Variants in DOK6 observed in about 807,000 individuals in gnomAD.
DOK6 encodes the protein downstream of tyrosine kinase 6.
In DOK6, 22 loss-of-function variants were observed where a neutral mutation model predicts 44.0. The ratio of observed to expected loss-of-function variants is 0.50; its 90% CI spans 0.36 to 0.71. DOK6 has a LOEUF of 0.71. Among genes scored for constraint, DOK6 ranks in the 30% least tolerant of loss-of-function variants. The probability of loss-of-function intolerance (pLI) is 0.00; values close to 1 mark genes in which losing one functional copy is unlikely to be tolerated. For synonymous variants in DOK6, 166 were observed against 145.5 expected, an observed-to-expected ratio of 1.14 and a Z score of -1.01; for missense variants, 340 against 416.4, an observed-to-expected ratio of 0.82 and a Z score of 1.60.
chr18:69,676,367 G>A (rs563050399), intron 3 of DOK6, among the ~76,000 whole-genome samples: 12 of 152,226 alleles, frequency 7.9e-5, no homozygotes, highest in Admixed American at 7.2e-4. Flanking sequence ...TATTTTTGCT[G>A]CAGCATGACT....
intron 3 of DOK6, among the ~76,000 whole-genome samples, chr18:69,613,139 G>A (rs1433312980): frequency 1.3e-5 from 2 of 152,146 alleles, no homozygotes; most frequent in African/African-American, 4.8e-5. Context: ...TCAAAGTGCT[G>A]GGATTACAGG....
At chr18:69,837,126 T>C (rs1982076106) in intron 7 of DOK6, among the ~76,000 whole-genome samples, 1 of 152,220 alleles carries the variant, frequency 6.6e-6, no homozygotes, top group Non-Finnish European at 1.5e-5. Context: ...AAGTATGTCA[T>C]AGTGAATGTC....
In DOK6 at chr18:69,595,565, A is replaced by T. The variant is rs192555949; in HGVS notation, c.175-3819A>T. ...CATAAACTTTTTGTGAAGCATCAAT[A>T]ATTTCATCGTTCTTCCACCCAAGCT... On this transcript the variant is annotated intron_variant, in intron 2 of 7. Transcript: ENST00000382713. Among the ~76,000 whole-genome samples the T allele has an allele frequency of 1.2e-4, 18 of 152,226 alleles. 1 individual carries two copies. In the East Asian group the frequency reaches 1.9e-3, roughly 16 times the overall value.
intron 3 of DOK6, among the ~76,000 whole-genome samples, chr18:69,671,995 T>G (rs539171877): frequency 6.6e-6 from 1 of 152,252 alleles, no homozygotes; most frequent in South Asian, 2.1e-4. Flanking sequence ...AATGAACCAA[T>G]CTCATCTGAT....
chr18:69,556,813 A>G (rs1157139650), intron 1 of DOK6, among the ~76,000 whole-genome samples: 1 of 152,216 alleles, frequency 6.6e-6, no homozygotes, highest in African/African-American at 2.4e-5. Flanking sequence ...TTCTCTATTG[A>G]AAAGATAGCT....
At chr18:69,834,368 G>T (rs577417445) in intron 7 of DOK6, among the ~76,000 whole-genome samples, 1 of 152,302 alleles carries the variant, frequency 6.6e-6, no homozygotes, top group South Asian at 2.1e-4. Context: ...GTTTCCAGAG[G>T]CTTGGAAGGG....
At position 69,419,347 on chromosome 18, in the gene DOK6, A is replaced by G. The variant is rs180766667; in HGVS notation, c.66+18037A>G. Among the ~76,000 whole-genome samples, 66 of 152,330 alleles carry G rather than the reference A, an allele frequency of 4.3e-4. 1 individual carries two copies. The Middle Eastern group carries it at 0.02, about 47-fold the overall frequency. ...CTTTTAAATGACAATAAAAGTGTGC[A>G]GAATACAAAATAAATAAAGTCCCAA... On this transcript the variant is annotated intron_variant, in intron 1 of 7. Coordinates refer to ENST00000382713, the MANE Select transcript of DOK6 (RefSeq NM_152721.6).
At chr18:69,484,214 A>G (rs1340015768) in intron 1 of DOK6, among the ~76,000 whole-genome samples, 3 of 152,056 alleles carry the variant, frequency 2.0e-5, no homozygotes, top group Non-Finnish European at 4.4e-5. Context: ...TGTTATTCTT[A>G]TAAAGCATTT....
At chr18:69,561,879 T>C (rs988188012) in intron 1 of DOK6, among the ~76,000 whole-genome samples, 4 of 152,132 alleles carry the variant, frequency 2.6e-5, no homozygotes, top group Admixed American at 2.6e-4. Flanking sequence ...TAATAAGCAA[T>C]GCACACTTCA....
intron 2 of DOK6, among the ~76,000 whole-genome samples, chr18:69,583,372 T>C (rs915890529): frequency 6.6e-6 from 1 of 152,208 alleles, no homozygotes; most frequent in African/African-American, 2.4e-5. Context: ...ATATCATCTG[T>C]TTTGTTTTTT....
chr18:69,700,223 A>ATATATATATATATATG (rs1352580724), intron 5 of DOK6, among the ~76,000 whole-genome samples: 2 of 147,246 alleles, frequency 1.4e-5, no homozygotes, highest in African/African-American at 5.0e-5. Flanking sequence ...ATACATATAT[A>ATATATATATATATATG]TATATATATA....
chr18:69,630,325 T>C (rs1351272675), intron 3 of DOK6, among the ~76,000 whole-genome samples: 3 of 152,216 alleles, frequency 2.0e-5, no homozygotes, highest in African/African-American at 7.2e-5. Context: ...CCATTGTTCC[T>C]TTTATTATAC....
chr18:69,781,772 G>T (rs1176842497), intron 7 of DOK6, among the ~76,000 whole-genome samples: 2 of 152,066 alleles, frequency 1.3e-5, no homozygotes, highest in African/African-American at 4.8e-5. Flanking sequence ...TTCTAAAATT[G>T]TGAAGTTTTT....
intron 7 of DOK6, among the ~76,000 whole-genome samples, chr18:69,772,842 C>A (rs1260083576): frequency 6.6e-6 from 1 of 151,896 alleles, no homozygotes; most frequent in African/African-American, 2.4e-5. Context: ...AGGTAAGTGG[C>A]ATTATATCAA....
At chr18:69,807,444 T>A (rs142114302) in intron 7 of DOK6, among the ~76,000 whole-genome samples, 1 of 152,050 alleles carries the variant, frequency 6.6e-6, no homozygotes, top group East Asian at 1.9e-4. Context: ...TCCTTGCTTA[T>A]CAATAATTAC....
chr18:69,460,852 C>T (rs966845215), intron 1 of DOK6, among the ~76,000 whole-genome samples: 3 of 152,168 alleles, frequency 2.0e-5, no homozygotes, highest in South Asian at 2.1e-4. Context: ...ATCTTGACTT[C>T]GATCATGCCC....
intron 1 of DOK6, among the ~76,000 whole-genome samples, chr18:69,524,797 C>T (rs1328877541): frequency 1.3e-5 from 2 of 151,788 alleles, no homozygotes; most frequent in Admixed American, 6.6e-5. Context: ...AGCCTATAAT[C>T]ATTAAACAAA....
intron 1 of DOK6, among the ~76,000 whole-genome samples, chr18:69,491,916 T>C (rs1599156738): frequency 6.6e-6 from 1 of 152,182 alleles, no homozygotes; most frequent in East Asian, 1.9e-4. Context: ...TACCGCTGAG[T>C]AAATGGCAAT....
At chr18:69,465,629 C>T (rs1431698585) in intron 1 of DOK6, among the ~76,000 whole-genome samples, 3 of 152,136 alleles carry the variant, frequency 2.0e-5, no homozygotes, top group Admixed American at 2.0e-4. Context: ...CTACAAAGGA[C>T]ATGAACTCAT....
Sources: allele counts gnomAD v4.1 joint callset (sites outside exome capture counted in the v4.1 genomes callset), GRCh38; gene constraint gnomAD v4.1.1; transcripts MANE v1.5; gene names NCBI Gene and HGNC (gene_info 2026-07-23, HGNC 2026-07-21).